CNTN4: variants seen among roughly 807,000 people sequenced by gnomAD.
CNTN4 encodes the protein contactin 4.
In CNTN4, 77 loss-of-function variants were observed where a neutral mutation model predicts 122.5. That is an observed-to-expected ratio of 0.63 (90% confidence interval 0.52 to 0.76). CNTN4 has a LOEUF of 0.76. CNTN4 is among the 30% of genes least tolerant of loss of function. CNTN4 has a pLI of 0.00. For missense variants in CNTN4, 1,256 were observed against 1,259.1 expected, an observed-to-expected ratio of 1.00 and a Z score of 0.04; for synonymous variants, 512 against 447.0, an observed-to-expected ratio of 1.15 and a Z score of -1.83.
intron 2 of CNTN4, among the ~76,000 whole-genome samples, chr3:2,158,550 C>T (rs2035823759): frequency 6.6e-6 from 1 of 152,190 alleles, no homozygotes; most frequent in Admixed American, 6.5e-5. Flanking sequence ...TCTTCCACAT[C>T]TGAAAAGAAC....
chr3:2,691,631 G>A (rs959522491), intron 4 of CNTN4, among the ~76,000 whole-genome samples: 9 of 152,072 alleles, frequency 5.9e-5, no homozygotes, highest in Non-Finnish European at 8.8e-5. Context: ...ATTTCATCAC[G>A]CTATTTACCT....
intron 14 of CNTN4, among the ~76,000 whole-genome samples, chr3:2,990,024 C>T (rs1694918954): frequency 6.6e-6 from 1 of 152,302 alleles, no homozygotes; most frequent in South Asian, 2.1e-4. Context: ...CTACCACTTA[C>T]CAGCTCTTAG....
At chr3:2,361,293 A>C (rs2045125449) in intron 3 of CNTN4, among the ~76,000 whole-genome samples, 1 of 152,220 alleles carries the variant, frequency 6.6e-6, no homozygotes, top group African/African-American at 2.4e-5. Flanking sequence ...GTTCTAACTC[A>C]GTGCTTTTCA....
intron 3 of CNTN4, among the ~76,000 whole-genome samples, chr3:2,485,950 C>T (rs930647818): frequency 6.6e-6 from 1 of 152,176 alleles, no homozygotes; most frequent in African/African-American, 2.4e-5. Flanking sequence ...TGGCAACCCG[C>T]GCAGGTGCCC....
At chr3:2,723,772 A>G (rs1019956340) in intron 4 of CNTN4, among the ~76,000 whole-genome samples, 1 of 152,134 alleles carries the variant, frequency 6.6e-6, no homozygotes, top group African/African-American at 2.4e-5. Context: ...CCAGAATCTC[A>G]TGTGTTACTT....
chr3:2,490,580 A>G (rs1023125337), intron 3 of CNTN4, among the ~76,000 whole-genome samples: 1 of 152,236 alleles, frequency 6.6e-6, no homozygotes, highest in African/African-American at 2.4e-5. Flanking sequence ...CCTTTATGCT[A>G]ATGCAGAACT....
At chr3:2,154,983 CA>C (rs2035656120) in intron 2 of CNTN4, among the ~76,000 whole-genome samples, 1 of 152,164 alleles carries the variant, frequency 6.6e-6, no homozygotes, top group South Asian at 2.1e-4. Context: ...CTGACAGTAA[CA>C]AAAAACCTCT....
At chr3:2,431,648 G>A (rs771640908) in intron 3 of CNTN4, among the ~76,000 whole-genome samples, 26 of 152,132 alleles carry the variant, frequency 1.7e-4, no homozygotes, top group Non-Finnish European at 3.5e-4. Context: ...TATGCTTGCC[G>A]CTGAGGACAC....
intron 3 of CNTN4, among the ~76,000 whole-genome samples, chr3:2,473,021 G>C (rs2075730973): frequency 6.6e-6 from 1 of 151,964 alleles, no homozygotes; most frequent in South Asian, 2.1e-4. Flanking sequence ...ATCACCTGAG[G>C]TCAGGAGTTT....
intron 14 of CNTN4, among the ~76,000 whole-genome samples, chr3:3,009,688 C>T (rs1436783482): frequency 6.6e-6 from 1 of 152,120 alleles, no homozygotes; most frequent in Admixed American, 6.5e-5. Flanking sequence ...CCTCCTCGGC[C>T]TCCCATAGTG....
chr3:2,572,567 T>C (rs561593144), intron 4 of CNTN4, among the ~76,000 whole-genome samples: 40 of 152,182 alleles, frequency 2.6e-4, no homozygotes, highest in Non-Finnish European at 5.3e-4. Context: ...TCCACGCCCC[T>C]TTGAAATTAG....
At chr3:2,744,558 A>G (rs1008049641) in intron 5 of CNTN4, among the ~76,000 whole-genome samples, 4 of 152,168 alleles carry the variant, frequency 2.6e-5, no homozygotes, top group Non-Finnish European at 4.4e-5. Context: ...AACTCCTACT[A>G]TGCTATTTTC....
At chr3:2,677,193 A>C (rs1255433911) in intron 4 of CNTN4, among the ~76,000 whole-genome samples, 2 of 148,946 alleles carry the variant, frequency 1.3e-5, no homozygotes, top group African/African-American at 2.5e-5. Context: ...ATATAGATAT[A>C]TCTCTCTCTA....
intron 13 of CNTN4, among the ~76,000 whole-genome samples, chr3:2,964,218 T>A (rs1478306824): frequency 6.6e-6 from 1 of 152,228 alleles, no homozygotes. Flanking sequence ...AATTGGCATC[T>A]TATCTCTACC....
intron 3 of CNTN4, among the ~76,000 whole-genome samples, chr3:2,408,722 A>T (rs2047123383): frequency 6.6e-6 from 1 of 152,176 alleles, no homozygotes; most frequent in Admixed American, 6.5e-5. Flanking sequence ...AAAATATAGT[A>T]TTTATCAATA....
At chr3:2,910,735 C>T (rs781256445) in intron 12 of CNTN4, among the ~76,000 whole-genome samples, 1 of 152,156 alleles carries the variant, frequency 6.6e-6, no homozygotes, top group Non-Finnish European at 1.5e-5. Flanking sequence ...CCCCCTCCAC[C>T]ACCTTCTGGC....
chr3:2,121,929 G>T (rs936392352), intron 2 of CNTN4, among the ~76,000 whole-genome samples: 94 of 152,114 alleles, frequency 6.2e-4, no homozygotes, highest in African/African-American at 2.1e-3. Context: ...ACTTTGGGAG[G>T]CCGAGGTGGG....
intron 7 of CNTN4, among the ~76,000 whole-genome samples, chr3:2,820,942 C>T (rs1296104664): frequency 1.4e-5 from 2 of 141,582 alleles, no homozygotes; most frequent in East Asian, 2.0e-4. Flanking sequence ...CTTTTTCTCA[C>T]ATGCAACATT....
chr3:2,976,551 C>T (rs1328217419), intron 13 of CNTN4, among the ~76,000 whole-genome samples: 2 of 152,060 alleles, frequency 1.3e-5, no homozygotes, highest in Non-Finnish European at 2.9e-5. Flanking sequence ...GACAGGTTTG[C>T]CTGAAATTAC....
Sources: gnomAD v4.1 joint callset for allele counts (sites outside exome capture counted in the v4.1 genomes callset) on GRCh38, gnomAD v4.1.1 for gene constraint, MANE v1.5 for transcripts, NCBI Gene and HGNC (gene_info 2026-07-23, HGNC 2026-07-21) for gene names.